MBD5: variants seen among roughly 807,000 people sequenced by gnomAD.
MBD5 encodes methyl-CpG-binding domain protein 5.
MBD5 carries 13 observed loss-of-function variants against 117.3 expected under a neutral mutation model. The observed-to-expected ratio is 0.11, with a 90% CI of 0.07 to 0.18. MBD5 has a LOEUF of 0.18. MBD5 is among the 10% of genes least tolerant of loss of function. The pLI is 1.00. For synonymous variants in MBD5, 727 were observed against 766.4 expected (o/e 0.95, Z 0.85); for missense variants, 1,879 against 2,093.8 (o/e 0.90, Z 2.00).
intron 1 of MBD5, among the ~76,000 whole-genome samples, chr2:148,049,378 C>G (rs1694629090): frequency 6.6e-6 from 1 of 152,240 alleles, no homozygotes; most frequent in East Asian, 1.9e-4. Context: ...AATTGTTATG[C>G]TGTGGTTTTG....
rs1695975120 is a variant in MBD5 at position 148,092,794 on chromosome 2, C to G, written c.-925+71110C>G. On this transcript the variant is annotated intron_variant, in intron 1 of 13. Transcript: ENST00000642680. ...TCTATGCAACCAAACACCACCTGTT[C>G]CCCCAAAACTTTTGAAATTAAAAAA... is the stretch of plus-strand genomic sequence containing the variant. Among the ~76,000 whole-genome samples, 6 of 132,536 alleles carry G rather than the reference C, an allele frequency of 4.5e-5. No individual in the cohort carries two copies. In the Admixed American group the frequency reaches 5.1e-4, roughly 11 times the overall value. The allele number at this position is 132,536 out of a possible 152,430, so 86.9% of individuals were successfully genotyped here.
intron 3 of MBD5, among the ~76,000 whole-genome samples, chr2:148,255,592 G>A (rs562939224): frequency 5.1e-4 from 77 of 152,140 alleles, no homozygotes; most frequent in Non-Finnish European, 9.0e-4. Context: ...ACCATTCATC[G>A]CCATACCTGG....
intron 1 of MBD5, among the ~76,000 whole-genome samples, chr2:148,139,736 C>A (rs1333809639): frequency 6.6e-6 from 1 of 152,018 alleles, no homozygotes; most frequent in African/African-American, 2.4e-5. Context: ...CAATAGCTAC[C>A]CCCCTGCACC....
chr2:148,290,225 TG>T (rs1209301645), intron 3 of MBD5, among the ~76,000 whole-genome samples: 2 of 150,326 alleles, frequency 1.3e-5, no homozygotes, highest in African/African-American at 2.5e-5. Flanking sequence ...CCCAAAGTCC[TG>T]GGATTATAGG....
At chr2:148,459,326 A>G (rs1179677500) in intron 5 of MBD5, among the ~76,000 whole-genome samples, 1 of 152,146 alleles carries the variant, frequency 6.6e-6, no homozygotes, top group Non-Finnish European at 1.5e-5. Flanking sequence ...TTTTTTCTGC[A>G]TAGTCTTTAA....
At chr2:148,246,540 G>A (rs1700340580) in intron 3 of MBD5, among the ~76,000 whole-genome samples, 1 of 152,072 alleles carries the variant, frequency 6.6e-6, no homozygotes, top group Admixed American at 6.6e-5. Context: ...GGAGACTGAG[G>A]CAGGTGGATC....
rs1573963965 is a variant in MBD5 at position 148,057,385 on chromosome 2, A to G, written c.-925+35701A>G. Among the ~76,000 whole-genome samples, 7 of 151,714 alleles carry G rather than the reference A, an allele frequency of 4.6e-5. No individual in the cohort carries two copies. In the South Asian group the frequency reaches 1.5e-3, roughly 31 times the overall value. ...ATCCTTTAAGTACTGCTTTAGCTAT[A>G]TTTCACAGGCTTTGTTATATAAGGT... On this transcript the variant is annotated intron_variant, in intron 1 of 13. Coordinates refer to ENST00000642680, the MANE Select transcript of MBD5 (RefSeq NM_001378120.1).
At chr2:148,432,388 A>G (rs1308786913) in intron 4 of MBD5, among the ~76,000 whole-genome samples, 1 of 152,038 alleles carries the variant, frequency 6.6e-6, no homozygotes, top group African/African-American at 2.4e-5. Context: ...CCATTTGTCA[A>G]TTTTGGTTTT....
chr2:148,079,455 G>A (rs1277674728), intron 1 of MBD5, among the ~76,000 whole-genome samples: 1 of 152,062 alleles, frequency 6.6e-6, no homozygotes, highest in Non-Finnish European at 1.5e-5. Context: ...TGAGCATATA[G>A]AGAAAATACA....
At chr2:148,193,027 A>C (rs199953304) in intron 2 of MBD5, among the ~76,000 whole-genome samples, 3,912 of 77,926 alleles carry the variant, frequency 0.05, 63 homozygotes, top group South Asian at 0.1. Flanking sequence ...AAAGAGAATA[A>C]AATACCTAGG....
intron 1 of MBD5, among the ~76,000 whole-genome samples, chr2:148,033,109 A>G (rs1694087687): frequency 6.6e-6 from 1 of 152,190 alleles, no homozygotes; most frequent in East Asian, 1.9e-4. Context: ...ACAGAGTGAT[A>G]ATGTCGAGCA....
chr2:148,358,406 G>C (rs1265148902), intron 4 of MBD5, among the ~76,000 whole-genome samples: 1 of 152,090 alleles, frequency 6.6e-6, no homozygotes, highest in African/African-American at 2.4e-5. Flanking sequence ...TACATATAAA[G>C]AAATAAGTGG....
Position 148,516,477 on chromosome 2 carries a change from A to G in MBD5, c.*3536A>G, listed in dbSNP as rs1682346183. Reference sequence around the variant, plus strand: ...TTGTGCATTGATTCATTTGGGGGACATGAACAAAAATTATCAACCAGCCAG... The same window carrying G: ...TTGTGCATTGATTCATTTGGGGGACGTGAACAAAAATTATCAACCAGCCAG... On this transcript the variant is annotated 3_prime_UTR_variant, in exon 14 of 14. Transcript: ENST00000642680. 1 of 152,224 alleles carries G rather than the reference A, an allele frequency of 6.6e-6. No individual in the cohort carries two copies. Among genetic ancestry groups the G allele is most frequent in the Non-Finnish European group, 1.5e-5 (1 of 68,026 alleles). 9.4% of individuals were successfully genotyped at this position (152,224 alleles called of 1,614,324 possible).
intron 3 of MBD5, among the ~76,000 whole-genome samples, chr2:148,274,155 G>A (rs1032483570): frequency 6.6e-5 from 10 of 151,908 alleles, no homozygotes; most frequent in Admixed American, 3.3e-4. Context: ...TTTTCCATGT[G>A]TACAATGAGA....
intron 3 of MBD5, among the ~76,000 whole-genome samples, chr2:148,294,501 G>GTTTTTTTTTTTTTT (rs58961481): frequency 2.6e-5 from 3 of 113,216 alleles, no homozygotes; most frequent in East Asian, 2.3e-4. Flanking sequence ...TGGGATTACA[G>GTTTTTTTTTTTTTT]TTTTTTTTTT....
At chr2:148,378,810 T>A (rs537346241) in intron 4 of MBD5, among the ~76,000 whole-genome samples, 16 of 152,194 alleles carry the variant, frequency 1.1e-4, no homozygotes, top group African/African-American at 3.6e-4. Flanking sequence ...TATTTACAAA[T>A]ATGTGATTAG....
At chr2:148,365,856 C>T (rs949532824) in intron 4 of MBD5, among the ~76,000 whole-genome samples, 2 of 150,146 alleles carry the variant, frequency 1.3e-5, no homozygotes, top group African/African-American at 4.9e-5. Flanking sequence ...AAAAAAAAAA[C>T]CCCAGACCAG....
intron 3 of MBD5, among the ~76,000 whole-genome samples, chr2:148,285,711 A>C (rs942742355): frequency 6.6e-6 from 1 of 152,142 alleles, no homozygotes; most frequent in Non-Finnish European, 1.5e-5. Context: ...GTTGGGGCAT[A>C]TACTCTAATT....
At chr2:148,438,503 C>T (rs1268812008) in intron 4 of MBD5, among the ~76,000 whole-genome samples, 1 of 152,198 alleles carries the variant, frequency 6.6e-6, no homozygotes, top group Non-Finnish European at 1.5e-5. Flanking sequence ...TTTCACAGAT[C>T]TCTTCCACAG....
Sources: allele counts gnomAD v4.1 joint callset (sites outside exome capture counted in the v4.1 genomes callset), GRCh38; gene constraint gnomAD v4.1.1; transcripts MANE v1.5; gene names NCBI Gene and HGNC (gene_info 2026-07-23, HGNC 2026-07-21).